Variants in PHF14 observed in about 807,000 individuals in gnomAD.
PHF14 encodes PHD finger protein 14.
Under a neutral mutation model 117.9 loss-of-function variants are expected in PHF14, and 55 were observed. That is an observed-to-expected ratio of 0.47 (90% CI 0.38 to 0.58). The LOEUF (loss-of-function observed/expected upper bound fraction) is 0.58, where lower values mean the gene tolerates loss of function less well. Ranked by LOEUF, PHF14 falls within the 20% of genes least tolerant of loss-of-function variation. The pLI is 0.00. For synonymous variants in PHF14, 409 were observed against 368.6 expected (o/e 1.11, Z -1.26); for missense variants, 978 against 1,122.2 (o/e 0.87, Z 1.84).
At chr7:11,096,142 C>A (rs1382694598) in intron 16 of PHF14, among the ~76,000 whole-genome samples, 1 of 151,786 alleles carries the variant, frequency 6.6e-6, no homozygotes, top group African/African-American at 2.4e-5. Flanking sequence ...CATTTTGGTT[C>A]TTTTATTCTT....
At chr7:10,992,271 C>G (rs966315035) in intron 4 of PHF14, among the ~76,000 whole-genome samples, 13 of 147,702 alleles carry the variant, frequency 8.8e-5, no homozygotes, top group African/African-American at 1.5e-4. Context: ...CCAGGCTGGT[C>G]TCGATTTCCT....
intron 7 of PHF14, 54 bp downstream of exon 7, chr7:11,028,872 C>G: frequency 7.0e-7 from 1 of 1,422,848 alleles, no homozygotes; most frequent in Non-Finnish European, 9.8e-7. Flanking sequence ...TATCTTTTGA[C>G]TCTATGTCCT....
chr7:11,080,103 A>G (rs1405767749), intron 16 of PHF14, among the ~76,000 whole-genome samples: 2 of 152,146 alleles, frequency 1.3e-5, no homozygotes. Context: ...AATGAGTTCA[A>G]AGTTTATTTG....
At chr7:11,145,967 G>C (rs527420712) in intron 17 of PHF14, among the ~76,000 whole-genome samples, 3 of 152,002 alleles carry the variant, frequency 2.0e-5, no homozygotes, top group African/African-American at 7.2e-5. Flanking sequence ...GATAACTCTT[G>C]AATATGTTGA....
chr7:11,018,917 T>C (rs1443948827), intron 5 of PHF14, among the ~76,000 whole-genome samples: 1 of 152,162 alleles, frequency 6.6e-6, no homozygotes, highest in Non-Finnish European at 1.5e-5. Flanking sequence ...TATGTCTTTC[T>C]ATCCCGTTTT....
intron 17 of PHF14, among the ~76,000 whole-genome samples, chr7:11,166,853 T>C (rs536490591): frequency 9.2e-5 from 14 of 152,304 alleles, no homozygotes; most frequent in African/African-American, 3.1e-4. Flanking sequence ...GAAACAGTTA[T>C]GTACCTGTCC....
rs754875677 is a variant in PHF14 at position 11,169,528 on chromosome 7, A to T, written c.*38A>T. ...AGTGTTTTTGAAAAGTTTGCAGCTT[A>T]TGTAATAGCAGATAAAATTTCTAAT... On this transcript the variant is annotated 3_prime_UTR_variant, in exon 18 of 18. Transcript: ENST00000634607. 2 of 834,186 alleles carry T rather than the reference A, an allele frequency of 2.4e-6. No homozygotes were observed. The highest frequency in any genetic ancestry group is 3.6e-5 in the African/African-American group (2 of 56,072). The allele number at this position is 834,186 out of a possible 1,614,324, so 51.7% of individuals were successfully genotyped here.
chr7:11,117,751 C>T (rs1787641541), intron 17 of PHF14, among the ~76,000 whole-genome samples: 1 of 151,494 alleles, frequency 6.6e-6, no homozygotes, highest in African/African-American at 2.4e-5. Context: ...TTTAATTGAA[C>T]TTGGTAATAT....
At chr7:10,996,710 A>C (rs1453957715) in intron 4 of PHF14, among the ~76,000 whole-genome samples, 1 of 152,214 alleles carries the variant, frequency 6.6e-6, no homozygotes, top group Non-Finnish European at 1.5e-5. Context: ...GCTGGGGTTT[A>C]AGTAGGATAG....
At chr7:11,126,123 A>G (rs1470278831) in intron 17 of PHF14, among the ~76,000 whole-genome samples, 2 of 152,122 alleles carry the variant, frequency 1.3e-5, no homozygotes, top group African/African-American at 4.8e-5. Flanking sequence ...ATGATTAGTT[A>G]TTTGTAAATC....
intron 12 of PHF14, among the ~76,000 whole-genome samples, chr7:11,041,413 TGCTG>T (rs1170373142): frequency 6.6e-6 from 1 of 151,740 alleles, no homozygotes; most frequent in Non-Finnish European, 1.5e-5. Flanking sequence ...GTTTAGAAGA[TGCTG>T]GTGTTTTTGT....
intron 16 of PHF14, among the ~76,000 whole-genome samples, chr7:11,069,041 T>C (rs1042878011): frequency 6.6e-6 from 1 of 152,150 alleles, no homozygotes; most frequent in South Asian, 2.1e-4. Flanking sequence ...TGCCAGGTGG[T>C]CAGTTAGGAA....
intron 14 of PHF14, among the ~76,000 whole-genome samples, chr7:11,056,381 A>G (rs1785020033): frequency 7.1e-6 from 1 of 140,462 alleles, no homozygotes; most frequent in African/African-American, 2.5e-5. Context: ...ATATTTTATT[A>G]TATATCATTA....
chr7:11,037,156 G>A (rs1431769962), intron 10 of PHF14, 65 bp downstream of exon 10: 3 of 1,369,194 alleles, frequency 2.2e-6, no homozygotes, highest in Non-Finnish European at 2.9e-6. Flanking sequence ...TTTTGTGAAT[G>A]TATGGCATTT....
intron 16 of PHF14, among the ~76,000 whole-genome samples, chr7:11,091,716 C>A (rs1786647644): frequency 6.6e-6 from 1 of 152,136 alleles, no homozygotes; most frequent in Non-Finnish European, 1.5e-5. Context: ...TGAGATCATG[C>A]CACTGCACTC....
intron 14 of PHF14, 34 bp downstream of exon 14, chr7:11,051,814 CA>C (rs1784858582): frequency 6.3e-7 from 1 of 1,583,600 alleles, no homozygotes; most frequent in African/African-American, 1.3e-5. Flanking sequence ...AAGCATCATA[CA>C]ATTCTGAGGC....
chr7:10,999,442 T>TA lies in PHF14; in HGVS notation c.1045+8596dup, dbSNP rs565744116. On this transcript the variant is annotated intron_variant, in intron 4 of 17. Transcript: ENST00000634607. ...TATAATAGTAAAGCAACTCTTTTAC[T>TA]ATAGCTTTTACTTTAGGACACAAGC... 1.7e-3 allele frequency among the ~76,000 whole-genome samples: 254 copies of TA among 152,346 alleles called. 3 individuals carry two copies. The highest frequency in any genetic ancestry group is 5.9e-3 in the African/African-American group (244 of 41,588).
At chr7:11,102,691 A>G in intron 16 of PHF14, 1 of 1,423,554 alleles carries the variant, frequency 7.0e-7, no homozygotes, top group East Asian at 2.5e-5. Context: ...AATATAATTG[A>G]TTGGTTTGTT....
chr7:11,059,352 G>A (rs1225796257), intron 14 of PHF14, among the ~76,000 whole-genome samples: 1 of 152,202 alleles, frequency 6.6e-6, no homozygotes, highest in South Asian at 2.1e-4. Flanking sequence ...TAAAAGATGA[G>A]TTGGATGAAG....
Sources: gnomAD v4.1 joint callset for allele counts (sites outside exome capture counted in the v4.1 genomes callset) on GRCh38, gnomAD v4.1.1 for gene constraint, MANE v1.5 for transcripts, NCBI Gene and HGNC (gene_info 2026-07-23, HGNC 2026-07-21) for gene names.